The following TTC3 variants were observed in gnomAD, a reference collection of about 807,000 sequenced individuals.
TTC3 encodes the protein E3 ubiquitin-protein ligase TTC3.
A neutral mutation model predicts 249.6 loss-of-function variants in TTC3; 180 were observed. That is an observed-to-expected ratio of 0.72 (90% CI 0.64 to 0.82). TTC3 has a LOEUF of 0.82. Among genes scored for constraint, TTC3 ranks in the 40% least tolerant of loss-of-function variants. The probability of loss-of-function intolerance (pLI) is 0.00; values close to 1 mark genes in which losing one functional copy is unlikely to be tolerated. For missense variants in TTC3, 2,061 were observed against 2,398.4 expected (o/e 0.86, Z 2.94); for synonymous variants, 717 against 805.0 (o/e 0.89, Z 1.85).
At position 37,121,804 on chromosome 21, in the gene TTC3, CT is replaced by C. The variant is rs752771198; in HGVS notation, c.901-8del. The C allele has an allele frequency of 1.6e-5, 25 of 1,531,452 alleles. No individual in the cohort carries two copies. The South Asian group carries it at 2.2e-4, about 14-fold the overall frequency. The allele number at this position is 1,531,452 out of a possible 1,614,324, so 94.9% of individuals were successfully genotyped here. Reference sequence around the variant, plus strand: ...ATTTTTGAGAAAAAATTAAATTTATCTTTTTGGAACAGGGTCATTATCGTTA... The same window carrying C: ...ATTTTTGAGAAAAAATTAAATTTATCTTTTGGAACAGGGTCATTATCGTTA... On this transcript the variant is annotated splice_polypyrimidine_tract_variant and intron_variant, in intron 11 of 45. Coordinates refer to ENST00000355666, the Ensembl canonical transcript of TTC3.
intron 28 of TTC3, chr21:37,158,049 A>G: frequency 2.4e-6 from 2 of 836,024 alleles, no homozygotes; most frequent in Non-Finnish European, 2.9e-6. Context: ...TCCAATGCAT[A>G]TAAGGAGTGG....
intron 34 of TTC3, among the ~76,000 whole-genome samples, chr21:37,169,135 G>A (rs980709723): frequency 6.6e-6 from 1 of 152,168 alleles, no homozygotes; most frequent in East Asian, 1.9e-4. Context: ...ATACATGGTA[G>A]GAGAGGTCTA....
intron 11 of TTC3, among the ~76,000 whole-genome samples, chr21:37,112,255 A>T (rs1361858948): frequency 6.6e-6 from 1 of 152,234 alleles, no homozygotes; most frequent in Non-Finnish European, 1.5e-5. Context: ...TGAATCCAGG[A>T]GCTGGTTTTC....
chr21:37,172,845 G>T, intron 35 of TTC3, 101 bp downstream of exon 35: 2 of 1,363,664 alleles, frequency 1.5e-6, no homozygotes, highest in South Asian at 3.0e-5. Context: ...CTGCATTGGT[G>T]GCTAAACAAA....
intron 6 of TTC3, 94 bp from the exon 7 acceptor site, chr21:37,091,198 GA>G: frequency 7.4e-7 from 1 of 1,347,766 alleles, no homozygotes; most frequent in Non-Finnish European, 1.0e-6. Context: ...TTGTAGTAAG[GA>G]TCTGAAATAC....
At chr21:37,190,203 G>C (rs747485568) in intron 39 of TTC3, among the ~76,000 whole-genome samples, 7 of 129,256 alleles carry the variant, frequency 5.4e-5, no homozygotes, top group Non-Finnish European at 1.1e-4. Context: ...GTGCAGTGGC[G>C]TGATCTCGGC....
At chr21:37,095,525 A>G (rs2073849154) in intron 9 of TTC3, 81 bp downstream of exon 9, 2 of 963,716 alleles carry the variant, frequency 2.1e-6, no homozygotes, top group African/African-American at 3.4e-5. Flanking sequence ...TAAAAACAAG[A>G]CGGAGAATTG....
At chr21:37,099,279 G>A (rs1371604329) in intron 10 of TTC3, among the ~76,000 whole-genome samples, 2 of 152,196 alleles carry the variant, frequency 1.3e-5, no homozygotes, top group Non-Finnish European at 1.5e-5. Context: ...GGTTATCACT[G>A]TTCTGAGCAT....
intron 28 of TTC3, chr21:37,157,149 T>A (rs1480964695): frequency 7.1e-7 from 1 of 1,415,756 alleles, no homozygotes; most frequent in Non-Finnish European, 9.4e-7. Flanking sequence ...CACAATGTTC[T>A]TCCCGTCTTA....
At chr21:37,107,658 C>T (rs1190552786) in intron 10 of TTC3, 1 of 152,134 alleles carries the variant, frequency 6.6e-6, no homozygotes, top group African/African-American at 2.4e-5. Context: ...TAAATTAGAC[C>T]TAACCTGGGT....
chr21:37,122,953 A>G (rs2076744651), intron 12 of TTC3, 30 bp from the exon 13 acceptor site: 43 of 1,237,352 alleles, frequency 3.5e-5, no homozygotes, highest in South Asian at 4.3e-5. Flanking sequence ...ATTGATTACT[A>G]TGTGTGTGTG....
At chr21:37,184,377 C>CT in intron 36 of TTC3, among the ~76,000 whole-genome samples, 1 of 151,774 alleles carries the variant, frequency 6.6e-6, no homozygotes, top group East Asian at 1.9e-4. Context: ...TTATTGTTGA[C>CT]TTTTTTCCAT....
At chr21:37,131,133 T>C (rs1054215963) in intron 16 of TTC3, among the ~76,000 whole-genome samples, 1 of 152,202 alleles carries the variant, frequency 6.6e-6, no homozygotes, top group Non-Finnish European at 1.5e-5. Flanking sequence ...GAGTGTATTT[T>C]GTTACTCATC....
At chr21:37,133,141 A>G (rs2077617530) in intron 17 of TTC3, among the ~76,000 whole-genome samples, 1 of 152,238 alleles carries the variant, frequency 6.6e-6, no homozygotes, top group Non-Finnish European at 1.5e-5. Context: ...CAAAGAGTTA[A>G]CAGTAGTATT....
chr21:37,140,643 G>A, exon 20 of TTC3: 1 of 1,608,648 alleles, frequency 6.2e-7, no homozygotes. Flanking sequence ...GCCTACTGTG[G>A]AATTGGAAAA....
intron 33 of TTC3, among the ~76,000 whole-genome samples, chr21:37,166,889 G>A (rs562855635): frequency 1.4e-4 from 21 of 152,240 alleles, no homozygotes; most frequent in African/African-American, 4.1e-4. Context: ...GAGCCAAAAC[G>A]TCATCCTAAG....
intron 45 of TTC3, among the ~76,000 whole-genome samples, chr21:37,201,224 G>A (rs557810337): frequency 3.9e-5 from 6 of 152,348 alleles, no homozygotes; most frequent in South Asian, 2.1e-4. Flanking sequence ...GGCCCAGAGC[G>A]CTCAGGATCT....
intron 1 of TTC3, among the ~76,000 whole-genome samples, chr21:37,077,247 T>C (rs535201720): frequency 6.6e-6 from 1 of 152,272 alleles, no homozygotes; most frequent in Non-Finnish European, 1.5e-5. Context: ...TTTAATCTTA[T>C]GGTGATATTT....
At chr21:37,106,520 T>C (rs1313881191) in intron 10 of TTC3, among the ~76,000 whole-genome samples, 1 of 152,226 alleles carries the variant, frequency 6.6e-6, no homozygotes, top group Non-Finnish European at 1.5e-5. Flanking sequence ...AAGGTTTAAT[T>C]GTTCAACTTT....
Sources: gnomAD v4.1 joint callset for allele counts (sites outside exome capture counted in the v4.1 genomes callset) on GRCh38, gnomAD v4.1.1 for gene constraint, MANE v1.5 for transcripts, NCBI Gene and HGNC (gene_info 2026-07-23, HGNC 2026-07-21) for gene names.